The following CRTC3 variants were observed in gnomAD, a reference collection of about 807,000 sequenced individuals.
CRTC3 encodes the protein CREB regulated transcription coactivator 3, also known as CREB-regulated transcription coactivator 3.
CRTC3 carries 26 observed loss-of-function variants against 74.5 expected under a neutral mutation model. The ratio of observed to expected loss-of-function variants is 0.35; its 90% CI spans 0.26 to 0.48. The LOEUF (loss-of-function observed/expected upper bound fraction) is 0.48. CRTC3 is among the 20% of genes least tolerant of loss of function. The pLI is 0.99. For missense variants in CRTC3, 760 were observed against 787.3 expected (o/e 0.97, Z 0.41); for synonymous variants, 377 against 325.8 (o/e 1.16, Z -1.69).
At chr15:90,615,930 C>G (rs1968482557) in intron 7 of CRTC3, among the ~76,000 whole-genome samples, 1 of 151,780 alleles carries the variant, frequency 6.6e-6, no homozygotes, top group Non-Finnish European at 1.5e-5. Context: ...GTGACCTCGG[C>G]TCACTGCAAA....
At chr15:90,587,197 G>T (rs968428694) in intron 2 of CRTC3, among the ~76,000 whole-genome samples, 1 of 152,168 alleles carries the variant, frequency 6.6e-6, no homozygotes, top group Non-Finnish European at 1.5e-5. Flanking sequence ...GCTTTCAGAT[G>T]CTATGTGATA....
At chr15:90,612,064 A>ACCTCCTCCTCCTCCTCCG (rs1567184127) in intron 6 of CRTC3, among the ~76,000 whole-genome samples, 1 of 20,428 alleles carries the variant, frequency 4.9e-5, no homozygotes, top group East Asian at 1.9e-3. Flanking sequence ...CTCCGCCTCC[A>ACCTCCTCCTCCTCCTCCG]CCTCCTCCTC....
At chr15:90,560,021 T>G (rs1305252046) in intron 2 of CRTC3, among the ~76,000 whole-genome samples, 8 of 152,238 alleles carry the variant, frequency 5.3e-5, no homozygotes, top group Non-Finnish European at 1.2e-4. Flanking sequence ...GTTTTTTTTC[T>G]TATCAAATTG....
At chr15:90,623,115 C>T (rs952884166) in intron 9 of CRTC3, among the ~76,000 whole-genome samples, 2 of 152,282 alleles carry the variant, frequency 1.3e-5, no homozygotes, top group African/African-American at 2.4e-5. Context: ...CCTAGTCAGG[C>T]CGGCCACTTT....
At chr15:90,621,467 C>T (rs750884785) in intron 9 of CRTC3, among the ~76,000 whole-genome samples, 16 of 152,142 alleles carry the variant, frequency 1.1e-4, no homozygotes, top group Non-Finnish European at 1.8e-4. Flanking sequence ...GAATTACAGA[C>T]GTGCACCACC....
chr15:90,637,263 A>G (rs1444248323), intron 11 of CRTC3, among the ~76,000 whole-genome samples: 1 of 152,232 alleles, frequency 6.6e-6, no homozygotes, highest in African/African-American at 2.4e-5. Context: ...AGGGACATGG[A>G]TGAAGCTGGA....
chr15:90,629,100 A>T, intron 10 of CRTC3, 134 bp from the exon 11 acceptor site: 1 of 775,636 alleles, frequency 1.3e-6, no homozygotes, highest in Non-Finnish European at 2.0e-6. Flanking sequence ...CAGTCCCTGT[A>T]GGAGAGCTGT....
At chr15:90,634,576 T>G (rs563744409) in intron 11 of CRTC3, 114 of 401,128 alleles carry the variant, frequency 2.8e-4, no homozygotes, top group African/African-American at 2.1e-3. Flanking sequence ...TGTGTGTGTC[T>G]GCTCTGGCCT....
At chr15:90,535,500 C>T (rs965811066) in intron 1 of CRTC3, among the ~76,000 whole-genome samples, 10 of 151,806 alleles carry the variant, frequency 6.6e-5, no homozygotes, top group African/African-American at 2.2e-4. Flanking sequence ...GAGGAGTGGA[C>T]GGGGGTGGGG....
At chr15:90,632,859 C>T (rs557074065) in intron 11 of CRTC3, among the ~76,000 whole-genome samples, 3 of 152,240 alleles carry the variant, frequency 2.0e-5, no homozygotes, top group Non-Finnish European at 4.4e-5. Context: ...CCCGCCTCGG[C>T]GTCCCAAAGT....
chr15:90,626,102 AGAT>A, intron 10 of CRTC3, 109 bp downstream of exon 10: 2 of 841,064 alleles, frequency 2.4e-6, no homozygotes, highest in South Asian at 1.4e-5. Context: ...TCCCAGTTAG[AGAT>A]GATAATGTAC....
At chr15:90,598,883 C>A in intron 3 of CRTC3, 1 of 210,058 alleles carries the variant, frequency 4.8e-6, no homozygotes, top group Non-Finnish European at 9.7e-6. Context: ...GGCACTGGCC[C>A]TGAGGCTCTT....
At chr15:90,567,683 C>T (rs757485159) in intron 2 of CRTC3, among the ~76,000 whole-genome samples, 48 of 45,604 alleles carry the variant, frequency 1.1e-3, no homozygotes, top group Middle Eastern at 0.016. Context: ...AGTGAAACTC[C>T]GTCTCAAAAA....
intron 2 of CRTC3, among the ~76,000 whole-genome samples, chr15:90,587,397 A>G (rs7175707): frequency 0.084 from 12,779 of 152,216 alleles, 604 homozygotes; most frequent in Middle Eastern, 0.15. Flanking sequence ...CGTTAGCATT[A>G]GCCATGTCAC....
At position 90,593,774 on chromosome 15, in the gene CRTC3, C is replaced by T; in HGVS notation, c.351+19C>T. ...GCGACAAATATCCTTTTTTACTCTT[C>T]AAAGGGAGTGTGCATTCTGAAATGT... On this transcript the variant is annotated intron_variant, in intron 3 of 14. Coordinates refer to ENST00000268184, the MANE Select transcript of CRTC3 (RefSeq NM_022769.5). 1 of 1,580,134 alleles carries T rather than the reference C, an allele frequency of 6.3e-7. No homozygotes were observed. The highest frequency in any genetic ancestry group is 1.7e-5 in the Admixed American group (1 of 58,920).
At chr15:90,544,404 A>G (rs1966840767) in intron 2 of CRTC3, among the ~76,000 whole-genome samples, 1 of 152,208 alleles carries the variant, frequency 6.6e-6, no homozygotes, top group Non-Finnish European at 1.5e-5. Flanking sequence ...TCATATTCAC[A>G]GGTTCTGGGG....
rs1027333791 is a variant in CRTC3 at position 90,615,866 on chromosome 15, A to AT, written c.613+1388dup. Among the ~76,000 whole-genome samples the AT allele has an allele frequency of 5.4e-4, 80 of 147,892 alleles. No individual in the cohort carries two copies. In the East Asian group the frequency reaches 0.011, roughly 20 times the overall value. Reference sequence around the variant, plus strand: ...TTTATTTTTATTTATTTTTATTTTTATTTTTTTTTTGGAGACGGAGTCTCG... The same window carrying AT: ...TTTATTTTTATTTATTTTTATTTTTATTTTTTTTTTTGGAGACGGAGTCTCG... On this transcript the variant is annotated intron_variant, in intron 7 of 14. Coordinates refer to ENST00000268184, the MANE Select transcript of CRTC3 (RefSeq NM_022769.5).
chr15:90,530,068 C>T lies in CRTC3; in HGVS notation c.-4C>T, dbSNP rs1215845525. 1 of 1,426,164 alleles carries T rather than the reference C, an allele frequency of 7.0e-7. No homozygotes were observed. The highest frequency in any genetic ancestry group is 2.2e-5 in the Admixed American group (1 of 46,232). 88.3% of individuals were successfully genotyped at this position (1,426,164 alleles called of 1,614,324 possible). A position where few individuals can be genotyped will look rare whatever the true frequency, so the allele number is the denominator to read the frequency against. ...CCCGCTTCTGCCCGCGCAGAGTCCG[C>T]GCCATGGCCGCCTCGCCGGGCTCGG... On this transcript the variant is annotated 5_prime_UTR_variant, in exon 1 of 15. Coordinates refer to ENST00000268184, the MANE Select transcript of CRTC3 (RefSeq NM_022769.5). This position sits in a 1 kb window ranked among gnomAD's most constrained non-coding sequence, Gnocchi z 6.2.
At chr15:90,611,483 G>A (rs1377135215) in intron 6 of CRTC3, among the ~76,000 whole-genome samples, 1 of 152,010 alleles carries the variant, frequency 6.6e-6, no homozygotes, top group East Asian at 1.9e-4. Context: ...CCCTTTATTT[G>A]TAGTGCTATC....
Sources: allele counts gnomAD v4.1 joint callset (sites outside exome capture counted in the v4.1 genomes callset), GRCh38; gene constraint gnomAD v4.1.1; non-coding constraint Gnocchi (gnomAD v3.1); transcripts MANE v1.5; gene names NCBI Gene and HGNC (gene_info 2026-07-23, HGNC 2026-07-21).